The following DNAH10 variants were observed in gnomAD, a reference collection of about 807,000 sequenced individuals.
DNAH10 encodes the protein dynein axonemal heavy chain 10.
Under a neutral mutation model 506.6 loss-of-function variants are expected in DNAH10, and 348 were observed. That is an observed-to-expected ratio of 0.69 (90% CI 0.63 to 0.75). The LOEUF is 0.75. Among genes scored for constraint, DNAH10 ranks in the 30% least tolerant of loss-of-function variants. DNAH10 has a pLI of 0.00. For missense variants in DNAH10, 5,179 were observed against 5,787.1 expected, an observed-to-expected ratio of 0.89 and a Z score of 3.41; for synonymous variants, 2,059 against 2,198.6, an observed-to-expected ratio of 0.94 and a Z score of 1.78.
At position 123,838,572 on chromosome 12, in the gene DNAH10, C is replaced by G. The variant is rs372428661; in HGVS notation, c.5019C>G (p.Asn1673Lys). ...TGGAGAAATGCCAGAAAAGCCTCAA[C>G]GACTACTTAGATTCGAAGAGAAATG... ...EGLEKCQKSL[N>K]DYLDSKRNAF... Residue 1673 changes from asparagine (N) to lysine (K), a missense_variant, in exon 29 of 79, where the codon AAC becomes AAG. Around this residue, in one of 3 missense-constraint regions of DNAH10, gnomAD observed 4,844 missense variants for 5,430.5 expected, o/e 0.89. Transcript: ENST00000673944. The G allele has an allele frequency of 6.2e-7, 1 of 1,614,034 alleles. No individual in the cohort carries two copies. The highest frequency in any genetic ancestry group is 1.1e-5 in the South Asian group (1 of 91,088).
At position 123,909,164 on chromosome 12, in the gene DNAH10, T is replaced by G; in HGVS notation, c.9816-97T>G. The G allele has an allele frequency of 6.8e-7, 1 of 1,474,122 alleles. No individual in the cohort carries two copies. The highest frequency in any genetic ancestry group is 9.2e-7 in the Non-Finnish European group (1 of 1,083,820). The allele number at this position is 1,474,122 out of a possible 1,614,324, so 91.3% of individuals were successfully genotyped here. On this transcript the variant is annotated intron_variant, in intron 57 of 78. Transcript: ENST00000673944. The surrounding 1 kb of genome is among the most constrained non-coding windows in gnomAD (Gnocchi z 5.4). The stretch of plus-strand genomic sequence containing the variant: ...TGCTTGCAGCAGTAGCTCCAGGGAC[T>G]GTCTTTTGGTTGAGCTCGTTTTTCT...
In DNAH10 at chr12:123,926,766, T is replaced by C. The variant is rs1196322971; in HGVS notation, c.12051T>C (p.Ser4017=). Residue 4017 remains serine (S), a synonymous_variant, in exon 69 of 79, where the codon AGT becomes AGC. Coordinates refer to ENST00000673944, the MANE Select transcript of DNAH10 (RefSeq NM_001372106.1). The surrounding 1 kb of genome is among the most constrained non-coding windows in gnomAD (Gnocchi z 4.1). ...ATDLMKLAER[S]GFGGNRLKFL... ...ATCTTATGAAATTAGCAGAGCGAAGTGGTTTTGGAGGAAATCGCCTCAAAT... is the reference window on the plus strand; with the variant it reads ...ATCTTATGAAATTAGCAGAGCGAAGCGGTTTTGGAGGAAATCGCCTCAAAT... 6.2e-7 allele frequency: 1 copy of C among 1,613,940 alleles called. No individual in the cohort carries two copies. Among genetic ancestry groups the C allele is most frequent in the Middle Eastern group, 1.6e-4 (1 of 6,062 alleles).
Position 123,871,581 on chromosome 12 carries a change from A to T in DNAH10, c.7764A>T (p.Lys2588Asn), listed in dbSNP as rs1268185577. 6 of 1,550,856 alleles carry T rather than the reference A, an allele frequency of 3.9e-6. No homozygotes were observed. In the African/African-American group the frequency reaches 8.2e-5, roughly 21 times the overall value. The stretch of plus-strand genomic sequence containing the variant: ...CAGCCACTACCCAGAATTTCCTCAA[A>T]AATCTGAGTGAAGAAACTAACGTAA... ...SKTATTQNFL[K>N]NLSEETNIVL... The change falls in exon 45 of 79, where the codon AAA becomes AAT. Residue 2588 changes from lysine (K) to asparagine (N), a missense_variant. Coordinates refer to ENST00000673944, the MANE Select transcript of DNAH10 (RefSeq NM_001372106.1).
Position 123,914,857 on chromosome 12 carries a change from G to T in DNAH10, c.10580G>T (p.Gly3527Val). The T allele has an allele frequency of 1.2e-6, 2 of 1,612,016 alleles. No individual in the cohort carries two copies. Among genetic ancestry groups the T allele is most frequent in the Non-Finnish European group, 1.7e-6 (2 of 1,179,448 alleles). Residue 3527 changes from glycine (G) to valine (V), a missense_variant, in exon 62 of 79, where the codon GGA (glycine) becomes GTA (valine). Gly to Val is a moderately radical substitution (Grantham distance 109). Around this residue, in one of 3 missense-constraint regions of DNAH10, gnomAD observed 4,844 missense variants for 5,430.5 expected, o/e 0.89. Transcript: ENST00000673944. ...CCAATGGCTGTTTCTTCCAGATGGGGATCCCAGGGCCTTCCCCCCGATGAG... is the reference window on the plus strand; with the variant it reads ...CCAATGGCTGTTTCTTCCAGATGGGTATCCCAGGGCCTTCCCCCCGATGAG... ...LTDDVEISRW[G>V]SQGLPPDELS... is the part of the protein sequence containing the mutation.
chr12:123,882,789 CAAAAAAAAAAA>C (rs59295124), intron 51 of DNAH10, among the ~76,000 whole-genome samples: 17 of 62,260 alleles, frequency 2.7e-4, no homozygotes, highest in Middle Eastern at 7.7e-3. Context: ...AAGACTCTGT[CAAAAAAAAAAA>C]AAAAAAAAAA....
At chr12:123,776,203 C>T (rs1957432249) in intron 5 of DNAH10, among the ~76,000 whole-genome samples, 1 of 151,896 alleles carries the variant, frequency 6.6e-6, no homozygotes, top group Non-Finnish European at 1.5e-5. Flanking sequence ...TATTTAGGCT[C>T]CAATCAGGGG....
At chr12:123,842,144 A>T (rs1223893464) in intron 30 of DNAH10, among the ~76,000 whole-genome samples, 1 of 152,236 alleles carries the variant, frequency 6.6e-6, no homozygotes, top group Non-Finnish European at 1.5e-5. Flanking sequence ...CCTGCCCATC[A>T]GAACTCTGGG....
rs757982786 is a variant in DNAH10, at chr12:123,914,402, T to G, written c.10426T>G (p.Phe3476Val). 1 of 1,613,538 alleles carries G rather than the reference T, an allele frequency of 6.2e-7. No homozygotes were observed. Among genetic ancestry groups the G allele is most frequent in the Admixed American group, 1.7e-5 (1 of 60,008 alleles). Residue 3476 changes from phenylalanine to valine, a missense_variant, in exon 61 of 79, where the codon TTC becomes GTC. Transcript: ENST00000673944. ...LLGDCLLCAA[F>V]LSYEGAFTWE... The stretch of plus-strand genomic sequence containing the variant: ...GGGGGACTGCCTGCTCTGCGCGGCT[T>G]TCCTCAGCTACGAGGGAGCCTTCAC...
intron 52 of DNAH10, among the ~76,000 whole-genome samples, chr12:123,889,079 C>T (rs1448664518): frequency 1.3e-5 from 2 of 152,176 alleles, no homozygotes; most frequent in Non-Finnish European, 2.9e-5. Flanking sequence ...GAACATCTGC[C>T]GGCATGCCAT....
chr12:123,768,050 C>T (rs1213555006), intron 2 of DNAH10, among the ~76,000 whole-genome samples: 1 of 152,150 alleles, frequency 6.6e-6, no homozygotes, highest in Non-Finnish European at 1.5e-5. Context: ...AGCATCATCA[C>T]TCCAGTCTCT....
At position 123,913,147 on chromosome 12, in the gene DNAH10, G is replaced by T. The variant is rs761688047; in HGVS notation, c.10184G>T (p.Arg3395Met). The change falls in exon 60 of 79, where the codon AGG becomes ATG. Residue 3395 changes from arginine to methionine, a missense_variant. Arg to Met is a moderately conservative substitution (Grantham distance 91). Coordinates refer to ENST00000673944, the MANE Select transcript of DNAH10 (RefSeq NM_001372106.1). The surrounding 1 kb of genome is among the most constrained non-coding windows in gnomAD (Gnocchi z 5.1). Reference sequence around the variant, plus strand: ...TACCTCACTAAACGGGAACTGGAAAGGATCCAGAATGAGTTGGCAGCAATT... The same window carrying T: ...TACCTCACTAAACGGGAACTGGAAATGATCCAGAATGAGTTGGCAGCAATT... ...NFYLTKRELERIQNELAAIQK... is the reference protein window; with the variant it reads ...NFYLTKRELEMIQNELAAIQK... The T allele has an allele frequency of 6.2e-7, 1 of 1,612,056 alleles. No individual in the cohort carries two copies. The highest frequency in any genetic ancestry group is 8.5e-7 in the Non-Finnish European group (1 of 1,179,442).
chr12:123,845,691 G>A lies in DNAH10; in HGVS notation c.5452G>A (p.Ala1818Thr). Residue 1818 changes from alanine to threonine, a missense_variant, in exon 31 of 79, where the codon GCG (alanine) becomes ACG (threonine). Ala to Thr is a moderately conservative substitution (Grantham distance 58, BLOSUM62 0). Around this residue, in one of 3 missense-constraint regions of DNAH10, gnomAD observed 4,844 missense variants for 5,430.5 expected, o/e 0.89. Transcript: ENST00000673944. The stretch of plus-strand genomic sequence containing the variant: ...GGAGGTGGAAGACGTCTTCCACAAA[G>A]CGCAAAAAGGGGAGAAGCAGGCCAT... ...TWEVEDVFHK[A>T]QKGEKQAMKN... The A allele has an allele frequency of 1.9e-6, 3 of 1,613,772 alleles. No homozygotes were observed. Among genetic ancestry groups the A allele is most frequent in the Non-Finnish European group, 2.5e-6 (3 of 1,179,816 alleles).
chr12:123,847,843 A>C, intron 32 of DNAH10, 118 bp from the exon 33 acceptor site: 1 of 1,380,484 alleles, frequency 7.2e-7, no homozygotes, highest in Admixed American at 2.4e-5. Flanking sequence ...GACACATGAA[A>C]GCAAACACCA....
rs73422750 is a variant in DNAH10, at chr12:123,846,989, G to A, written c.5814+835G>A. 0.043 allele frequency among the ~76,000 whole-genome samples: 6,590 copies of A among 152,230 alleles called. 349 individuals are homozygous for A. Among genetic ancestry groups the A allele is most frequent in the African/African-American group, 0.13 (5,272 of 41,496 alleles). ...AAGTCCTTTGTTTTTGAGAAAAAGA[G>A]TGTCATCTTATCTGTATTGGTTAGG... On this transcript the variant is annotated intron_variant, in intron 32 of 78. Transcript: ENST00000673944. The surrounding 1 kb of genome is among the most constrained non-coding windows in gnomAD (Gnocchi z 4.5).
chr12:123,867,790 T>G, intron 42 of DNAH10, 113 bp from the exon 43 acceptor site: 1 of 1,332,842 alleles, frequency 7.5e-7, no homozygotes, highest in South Asian at 1.4e-5. Flanking sequence ...AACCAACATG[T>G]TGGGTCTTAT....
rs962890989 is a variant in DNAH10, at chr12:123,913,255, T to C, written c.10292T>C (p.Met3431Thr). The part of the protein sequence containing the change: ...KQKLQEEAEI[M>T]ERRLIAADKL... ...AAGCTGCAGGAAGAAGCCGAGATCA[T>C]GGAGAGGCGGCTGATTGCCGCAGAC... The change falls in exon 60 of 79, where the codon ATG (methionine) becomes ACG (threonine). Residue 3431 changes from methionine to threonine, a missense_variant. Transcript: ENST00000673944. This position sits in a 1 kb window ranked among gnomAD's most constrained non-coding sequence, Gnocchi z 5.1. 1.2e-6 allele frequency: 2 copies of C among 1,608,926 alleles called. No homozygotes were observed. Among genetic ancestry groups the C allele is most frequent in the African/African-American group, 2.7e-5 (2 of 74,842 alleles).
At chr12:123,860,107 A>C (rs1951558299) in intron 38 of DNAH10, among the ~76,000 whole-genome samples, 1 of 151,738 alleles carries the variant, frequency 6.6e-6, no homozygotes, top group African/African-American at 2.4e-5. Context: ...TGGATTCCTG[A>C]CTCCTCACTT....
rs1381357885 is a variant in DNAH10, at chr12:123,848,778, T to A, written c.5998T>A (p.Cys2000Ser). The A allele has an allele frequency of 6.2e-7, 1 of 1,614,032 alleles. No homozygotes were observed. The highest frequency in any genetic ancestry group is 1.7e-5 in the Admixed American group (1 of 60,024). ...CCTGGCACAGTGCGGGGCTTGGGGCTGCTTTGATGAGTTTAATCGAATCGA... is the reference window on the plus strand; with the variant it reads ...CCTGGCACAGTGCGGGGCTTGGGGCAGCTTTGATGAGTTTAATCGAATCGA... ...SGLAQCGAWG[C>S]FDEFNRIDAS... is the part of the protein sequence containing the mutation. Residue 2000 changes from cysteine (C) to serine (S), a missense_variant, in exon 34 of 79, where the codon TGC (cysteine) becomes AGC (serine). Physicochemically the swap from Cys to Ser is moderately radical, Grantham distance 112 (BLOSUM62 -1). Transcript: ENST00000673944.
intron 21 of DNAH10, among the ~76,000 whole-genome samples, chr12:123,816,401 T>G (rs1959144603): frequency 6.6e-6 from 1 of 152,318 alleles, no homozygotes; most frequent in Admixed American, 6.5e-5. Context: ...CAGTCATGCC[T>G]GTATAATGAA....
Sources: allele counts gnomAD v4.1 joint callset (sites outside exome capture counted in the v4.1 genomes callset), GRCh38; gene constraint gnomAD v4.1.1; regional missense constraint gnomAD v4.1.1; non-coding constraint Gnocchi (gnomAD v3.1); transcripts MANE v1.5; gene names NCBI Gene and HGNC (gene_info 2026-07-23, HGNC 2026-07-21).